Variants in YBEY observed in about 807,000 individuals in gnomAD.
The protein encoded by YBEY is ybeY metalloendoribonuclease.
A neutral mutation model predicts 13.5 loss-of-function variants in YBEY; 15 were observed. The ratio of observed to expected loss-of-function variants is 1.11; its 90% CI spans 0.75 to 1.72. The LOEUF (loss-of-function observed/expected upper bound fraction) is 1.72, where lower values mean the gene tolerates loss of function less well. Ranked by LOEUF, YBEY falls within the 40% of genes most tolerant of loss-of-function variation. The pLI is 0.00. For missense variants in YBEY, 244 were observed against 208.4 expected, an observed-to-expected ratio of 1.17 and a Z score of -1.05; for synonymous variants, 101 against 83.1, an observed-to-expected ratio of 1.21 and a Z score of -1.17.
chr21:46,300,528 C>G (rs552030153), downstream of YBEY: 36 of 535,374 alleles, frequency 6.7e-5, no homozygotes, highest in African/African-American at 7.3e-4. Context: ...GAGCTTTTAA[C>G]GAGAGCACAG....
intron 2 of YBEY, among the ~76,000 whole-genome samples, chr21:46,287,459 C>G (rs894165431): frequency 6.6e-6 from 1 of 151,998 alleles, no homozygotes; most frequent in Non-Finnish European, 1.5e-5. Context: ...CTCGGGCTTC[C>G]CAGAGTGTTG....
chr21:46,294,354 T>C (rs1370592423), intron 3 of YBEY, among the ~76,000 whole-genome samples: 11 of 78,902 alleles, frequency 1.4e-4, no homozygotes, highest in Admixed American at 2.6e-4. Context: ...CTAGATTAAA[T>C]TCCTCCCGCG....
chr21:46,291,632 T>C lies in YBEY; in HGVS notation c.339+170T>C, dbSNP rs2081716764. The stretch of plus-strand genomic sequence containing the variant: ...GCACCCAGGCTGGGTAGGGACTGCA[T>C]GCCCCATGCCACAGTTGAAGGAGGG... On this transcript the variant is annotated intron_variant, in intron 3 of 4. Coordinates refer to ENST00000397701, the MANE Select transcript of YBEY (RefSeq NM_001314025.2). The C allele has an allele frequency of 2.8e-6, 4 of 1,417,294 alleles. No individual in the cohort carries two copies. The African/African-American group carries it at 4.4e-5, about 16-fold the overall frequency. The allele number at this position is 1,417,294 out of a possible 1,614,324, so 87.8% of individuals were successfully genotyped here.
chr21:46,312,433 C>T, the YBEY span, among the ~76,000 whole-genome samples: 1 of 152,172 alleles, frequency 6.6e-6, no homozygotes, highest in Admixed American at 6.5e-5. Flanking sequence ...ATTCTCATGC[C>T]TCAGCCTCCC....
chr21:46,302,581 A>C (rs752136016), downstream of YBEY: 1 of 1,608,956 alleles, frequency 6.2e-7, no homozygotes, highest in Non-Finnish European at 8.5e-7. Context: ...CCATGTCTGC[A>C]GGGAAGAAGC....
chr21:46,290,239 T>C (rs963326914), intron 2 of YBEY, among the ~76,000 whole-genome samples: 5 of 151,590 alleles, frequency 3.3e-5, no homozygotes, highest in Admixed American at 6.6e-5. Context: ...AGTCTTGCTC[T>C]GTCAGCCAGG....
chr21:46,294,026 A>G (rs368252815), intron 3 of YBEY, among the ~76,000 whole-genome samples: 2 of 22,674 alleles, frequency 8.8e-5, no homozygotes, highest in African/African-American at 1.8e-4. Context: ...GACTCAGTGG[A>G]GTCAGCCACA....
chr21:46,287,652 C>T (rs1471190707), intron 2 of YBEY, among the ~76,000 whole-genome samples: 1 of 152,086 alleles, frequency 6.6e-6, no homozygotes, highest in Admixed American at 6.6e-5. Flanking sequence ...CTGATCGAGG[C>T]CCATCACCCA....
chr21:46,311,314 A>G, the YBEY span: 3 of 439,466 alleles, frequency 6.8e-6, no homozygotes, highest in African/African-American at 2.0e-5. Context: ...TATCATTTAT[A>G]TAAGGATTTC....
chr21:46,299,870 G>C (rs906871321), downstream of YBEY, among the ~76,000 whole-genome samples: 12 of 152,082 alleles, frequency 7.9e-5, no homozygotes, highest in Admixed American at 7.9e-4. Context: ...TTCAGGGCCT[G>C]CTCTGAGCTC....
chr21:46,297,833 C>T (rs1352659733), downstream of YBEY: 14 of 1,170,116 alleles, frequency 1.2e-5, no homozygotes, highest in African/African-American at 3.2e-5. Context: ...GTTCAGGGAA[C>T]GCGTGGCCCC....
In YBEY at chr21:46,296,193, T is replaced by C. The variant is rs373410701; in HGVS notation, c.371T>C (p.Leu124Pro). 5.6e-6 allele frequency: 9 copies of C among 1,613,846 alleles called. No individual in the cohort carries two copies. The highest frequency in any genetic ancestry group is 6.8e-6 in the Non-Finnish European group (8 of 1,180,014). ...GCCACCCACGGACTCTGTCACTTGCTGGGATTCACACACGGCACGGAGGCA... is the reference window on the plus strand; with the variant it reads ...GCCACCCACGGACTCTGTCACTTGCCGGGATTCACACACGGCACGGAGGCA... ...VTATHGLCHL[L>P]GFTHGTEAEW... Residue 124 changes from leucine (L) to proline (P), a missense_variant, in exon 4 of 5, where the codon CTG (leucine) becomes CCG (proline). Physicochemically the swap from Leu to Pro is moderately conservative, Grantham distance 98. Coordinates refer to ENST00000397701, the MANE Select transcript of YBEY (RefSeq NM_001314025.2).
At chr21:46,312,514 TC>T in the YBEY span, among the ~76,000 whole-genome samples, 1 of 152,038 alleles carries the variant, frequency 6.6e-6, no homozygotes, top group African/African-American at 2.4e-5. Context: ...AGACGGGGTT[TC>T]ACCACGTTGG....
chr21:46,297,301 C>T (rs1192120322), intron 4 of YBEY, among the ~76,000 whole-genome samples: 3 of 143,600 alleles, frequency 2.1e-5, no homozygotes, highest in Non-Finnish European at 4.6e-5. Flanking sequence ...CTTTCTTCCT[C>T]CCACTCCCCT....
chr21:46,291,059 C>A (rs1008395512), intron 2 of YBEY, among the ~76,000 whole-genome samples: 1 of 148,596 alleles, frequency 6.7e-6, no homozygotes, highest in Non-Finnish European at 1.5e-5. Context: ...TAGCTGGGCA[C>A]GGTGGCATGC....
intron 4 of YBEY, among the ~76,000 whole-genome samples, chr21:46,297,126 C>A (rs1260751268): frequency 6.6e-6 from 1 of 151,990 alleles, no homozygotes; most frequent in Non-Finnish European, 1.5e-5. Flanking sequence ...TGGTGAAACC[C>A]GGTCTCTACT....
At chr21:46,294,769 A>T (rs979273791) in intron 3 of YBEY, among the ~76,000 whole-genome samples, 1 of 152,328 alleles carries the variant, frequency 6.6e-6, no homozygotes, top group South Asian at 2.1e-4. Flanking sequence ...AAAAAAAAAA[A>T]AAAAAAAGGA....
At chr21:46,302,089 G>GTGA (rs1236554228), downstream of YBEY, 1 of 1,535,062 alleles carries the variant, frequency 6.5e-7, no homozygotes, top group Admixed American at 2.0e-5. Context: ...GGTGGTGGTG[G>GTGA]TGGTGCACGG....
At chr21:46,296,924 G>A (rs1205962689) in intron 4 of YBEY, among the ~76,000 whole-genome samples, 1 of 151,626 alleles carries the variant, frequency 6.6e-6, no homozygotes, top group Non-Finnish European at 1.5e-5. Flanking sequence ...AACCCAGGAG[G>A]CGGAGGTTGT....
Sources: allele counts gnomAD v4.1 joint callset (sites outside exome capture counted in the v4.1 genomes callset), GRCh38; gene constraint gnomAD v4.1.1; transcripts MANE v1.5; gene names NCBI Gene and HGNC (gene_info 2026-07-23, HGNC 2026-07-21).